The following PPA2 variants were observed in gnomAD, a reference collection of about 807,000 sequenced individuals.
PPA2 encodes the protein inorganic pyrophosphatase 2.
PPA2 carries 48 observed loss-of-function variants against 49.5 expected under a neutral mutation model. The observed-to-expected ratio is 0.97, with a 90% CI of 0.77 to 1.23. The LOEUF is 1.23. Among genes scored for constraint, PPA2 ranks in the 50% most tolerant of loss-of-function variants. The pLI is 0.00. For missense variants in PPA2, 429 were observed against 410.1 expected (o/e 1.05, Z -0.40); for synonymous variants, 131 against 139.9 (o/e 0.94, Z 0.45).
intron 3 of PPA2, among the ~76,000 whole-genome samples, chr4:105,451,098 T>A (rs534199134): frequency 6.6e-6 from 1 of 152,114 alleles, no homozygotes; most frequent in South Asian, 2.1e-4. Context: ...AAAAGAAAGT[T>A]TCCCAGAGCC....
At chr4:105,424,347 A>G (rs1560624522) in intron 6 of PPA2, 25 bp from the exon 7 acceptor site, 1 of 1,572,222 alleles carries the variant, frequency 6.4e-7, no homozygotes, top group South Asian at 1.2e-5. Flanking sequence ...GAAATTCACT[A>G]TTTGCAAGGC....
intron 1 of PPA2, among the ~76,000 whole-genome samples, chr4:105,471,302 A>G (rs1406704569): frequency 6.6e-6 from 1 of 152,206 alleles, no homozygotes; most frequent in Non-Finnish European, 1.5e-5. Context: ...GATGATTCCC[A>G]TCAGGATACC....
At chr4:105,386,983 G>A (rs1578803215) in intron 9 of PPA2, among the ~76,000 whole-genome samples, 1 of 152,180 alleles carries the variant, frequency 6.6e-6, no homozygotes, top group African/African-American at 2.4e-5. Context: ...CCACACAATG[G>A]GACCTAGGAT....
At chr4:105,400,183 T>C (rs1734303890) in intron 7 of PPA2, among the ~76,000 whole-genome samples, 4 of 152,180 alleles carry the variant, frequency 2.6e-5, no homozygotes, top group Middle Eastern at 3.2e-3. Flanking sequence ...TATTAGAGCA[T>C]ATTAAAATTA....
intron 1 of PPA2, 54 bp from the exon 2 acceptor site, chr4:105,456,799 G>T: frequency 7.3e-7 from 1 of 1,367,230 alleles, no homozygotes; most frequent in Non-Finnish European, 1.0e-6. Context: ...TAGACACATT[G>T]TTCTATACAG....
intron 5 of PPA2, among the ~76,000 whole-genome samples, chr4:105,442,005 AC>A (rs1317103551): frequency 1.0e-5 from 1 of 97,396 alleles, no homozygotes; most frequent in Non-Finnish European, 2.1e-5. Flanking sequence ...CACTACCATC[AC>A]TTTTTTTTTT....
At chr4:105,459,695 C>G (rs539869221) in intron 1 of PPA2, among the ~76,000 whole-genome samples, 1 of 152,326 alleles carries the variant, frequency 6.6e-6, no homozygotes, top group South Asian at 2.1e-4. Flanking sequence ...CTATGTTATA[C>G]TCATATAGTG....
chr4:105,422,598 A>T lies in PPA2; in HGVS notation c.655+1598T>A, dbSNP rs200142388. On this transcript the variant is annotated intron_variant, in intron 7 of 11. Transcript: ENST00000341695. ...GATGAATTGCTTGGTATAATATTAT[A>T]GATGGGCTATATATTGCTCAATACA... Among the ~76,000 whole-genome samples, 34 of 86,548 alleles carry T rather than the reference A, an allele frequency of 3.9e-4. No individual in the cohort carries two copies. In the East Asian group the frequency reaches 0.028, roughly 72 times the overall value. The allele number at this position is 86,548 out of a possible 152,430, so 56.8% of individuals were successfully genotyped here. A position where few individuals can be genotyped will look rare whatever the true frequency, so the allele number is the denominator to read the frequency against.
At chr4:105,373,624 G>C (rs1733118664) in intron 10 of PPA2, among the ~76,000 whole-genome samples, 2 of 151,916 alleles carry the variant, frequency 1.3e-5, no homozygotes, top group Admixed American at 6.6e-5. Flanking sequence ...TAAAGAAATG[G>C]GCAAGCTACT....
At chr4:105,456,822 T>G (rs909227167) in intron 1 of PPA2, 77 bp from the exon 2 acceptor site, 16 of 1,107,404 alleles carry the variant, frequency 1.4e-5, no homozygotes, top group African/African-American at 3.2e-5. Context: ...ATAATAAACA[T>G]CCTTATCCAC....
At chr4:105,443,636 C>G (rs896962182) in intron 5 of PPA2, among the ~76,000 whole-genome samples, 5 of 114,080 alleles carry the variant, frequency 4.4e-5, no homozygotes, top group African/African-American at 1.4e-4. Flanking sequence ...CACACACACA[C>G]AGACTCTCTC....
At chr4:105,459,266 A>T (rs548172112) in intron 1 of PPA2, among the ~76,000 whole-genome samples, 1 of 151,400 alleles carries the variant, frequency 6.6e-6, no homozygotes, top group South Asian at 2.1e-4. Flanking sequence ...CAGTAAAGGG[A>T]TGCACTTAAA....
At chr4:105,467,179 C>G (rs1315620951) in intron 1 of PPA2, among the ~76,000 whole-genome samples, 1 of 152,236 alleles carries the variant, frequency 6.6e-6, no homozygotes, top group African/African-American at 2.4e-5. Flanking sequence ...TCATGCCTGA[C>G]TAGCTACCTA....
At chr4:105,464,960 A>G (rs1479195549) in intron 1 of PPA2, among the ~76,000 whole-genome samples, 4 of 152,114 alleles carry the variant, frequency 2.6e-5, no homozygotes, top group East Asian at 1.9e-4. Context: ...TGTCTTCTGC[A>G]TATTTATTTT....
chr4:105,373,781 A>ACACACC, intron 10 of PPA2, among the ~76,000 whole-genome samples: 1 of 151,760 alleles, frequency 6.6e-6, no homozygotes, highest in South Asian at 2.1e-4. Flanking sequence ...ACACACACAC[A>ACACACC]CACACACACA....
At chr4:105,451,441 A>G (rs1722671729) in intron 3 of PPA2, among the ~76,000 whole-genome samples, 1 of 152,240 alleles carries the variant, frequency 6.6e-6, no homozygotes, top group South Asian at 2.1e-4. Context: ...GCTGCTCCTT[A>G]GAAGTATGTC....
intron 9 of PPA2, among the ~76,000 whole-genome samples, chr4:105,390,878 A>C (rs1733887175): frequency 6.6e-6 from 1 of 152,198 alleles, no homozygotes; most frequent in Non-Finnish European, 1.5e-5. Context: ...ATTAAGACTC[A>C]TGCACACGTA....
At chr4:105,412,056 C>T (rs1279810565) in intron 7 of PPA2, among the ~76,000 whole-genome samples, 1 of 152,130 alleles carries the variant, frequency 6.6e-6, no homozygotes, top group Non-Finnish European at 1.5e-5. Context: ...GATCAAGCTA[C>T]CAATGACTTT....
Position 105,446,445 on chromosome 4 carries a change from G to T in PPA2, c.379C>A (p.Arg127Ser). 3 of 1,605,782 alleles carry T rather than the reference G, an allele frequency of 1.9e-6. No homozygotes were observed. In the South Asian group the frequency reaches 3.4e-5, roughly 18 times the overall value. Residue 127 changes from arginine (R) to serine (S), a missense_variant, in exon 5 of 12, where the codon CGC (arginine) becomes AGC (serine). Physicochemically the swap from Arg to Ser is moderately radical, Grantham distance 110. Transcript: ENST00000341695. Reference sequence around the variant, plus strand: ...TAAGGGAAGATATTCGCCACATAGCGTAGCTTTCCATCCTTTACATATTGT... The same window carrying T: ...TAAGGGAAGATATTCGCCACATAGCTTAGCTTTCCATCCTTTACATATTGT... Reference protein sequence around the residue: ...IKQYVKDGKLRYVANIFPYKG... With the variant: ...IKQYVKDGKLSYVANIFPYKG...
Sources: gnomAD v4.1 joint callset for allele counts (sites outside exome capture counted in the v4.1 genomes callset) on GRCh38, gnomAD v4.1.1 for gene constraint, MANE v1.5 for transcripts, NCBI Gene and HGNC (gene_info 2026-07-23, HGNC 2026-07-21) for gene names.